The following UBR4 variants were observed in gnomAD, a reference collection of about 807,000 sequenced individuals.
UBR4 encodes the protein ubiquitin protein ligase E3 component n-recognin 4.
Under a neutral mutation model 575.6 loss-of-function variants are expected in UBR4, and 124 were observed. The ratio of observed to expected loss-of-function variants is 0.22; its 90% confidence interval spans 0.19 to 0.25. UBR4 has a LOEUF of 0.25. Among genes scored for constraint, UBR4 ranks in the 10% least tolerant of loss-of-function variants. The pLI is 1.00. For missense variants in UBR4, 4,818 were observed against 6,478.8 expected (o/e 0.74, Z 8.80); for synonymous variants, 2,455 against 2,473.7 (o/e 0.99, Z 0.22).
At chr1:19,206,570 A>C (rs2093024261) in intron 1 of UBR4, among the ~76,000 whole-genome samples, 1 of 152,156 alleles carries the variant, frequency 6.6e-6, no homozygotes, top group Non-Finnish European at 1.5e-5. Flanking sequence ...TCCTGACCTC[A>C]GGTGATCCGC....
In UBR4 at chr1:19,095,089, A is replaced by G. The variant is rs1051122523; in HGVS notation, c.13627-64T>C. On this transcript the variant is annotated intron_variant, in intron 93 of 105. Coordinates refer to ENST00000375254, the MANE Select transcript of UBR4 (RefSeq NM_020765.3). ...CCACAGCCACTAACTGCTGAGGACA[A>G]TTGCTCTCAAGGATGCCCTCACAGC... is the stretch of plus-strand genomic sequence containing the variant. 6 of 1,611,340 alleles carry G rather than the reference A, an allele frequency of 3.7e-6. No homozygotes were observed. The African/African-American group carries it at 6.7e-5, about 18-fold the overall frequency.
Position 19,100,409 on chromosome 1 carries a change from T to C in UBR4, c.13188A>G (p.Leu4396=), listed in dbSNP as rs1289936768. The change falls in exon 89 of 106, where the codon TTA becomes TTG. Residue 4396 remains leucine (L), a synonymous_variant. Coordinates refer to ENST00000375254, the MANE Select transcript of UBR4 (RefSeq NM_020765.3). The surrounding 1 kb of genome is among the most constrained non-coding windows in gnomAD (Gnocchi z 4.2). The stretch of plus-strand genomic sequence containing the variant: ...CACTGTCATCTTCCAGGAGGGCCAC[T>C]AAGTCACAGTCCTGGCAAATCTTGT... ...IKNKICQDCD[L]VALLEDDSGM... 1 of 1,614,204 alleles carries C rather than the reference T, an allele frequency of 6.2e-7. No individual in the cohort carries two copies. The highest frequency in any genetic ancestry group is 8.5e-7 in the Non-Finnish European group (1 of 1,180,022).
In UBR4 at chr1:19,115,400, G is replaced by C. The variant is rs112362121; in HGVS notation, c.11061C>G (p.Cys3687Trp). The change falls in exon 74 of 106, where the codon TGC becomes TGG. Residue 3687 changes from cysteine (C) to tryptophan (W), a missense_variant and splice_region_variant. Physicochemically the swap from Cys to Trp is radical, Grantham distance 215. This residue lies in a region of UBR4 where 10 missense variants were observed against 65.4 expected (regional missense o/e 0.15). Transcript: ENST00000375254. ...CTAGGGGATGACCAATGACTTACCT[G>C]CATTTGTGACACTGGTACACATTCT... ...CGENVYQCHK[C>W]RSINYDEKDP... is the part of the protein sequence containing the mutation. 1 of 1,613,962 alleles carries C rather than the reference G, an allele frequency of 6.2e-7. No homozygotes were observed. The highest frequency in any genetic ancestry group is 8.5e-7 in the Non-Finnish European group (1 of 1,179,906).
At chr1:19,098,338 C>T (rs1308905430) in intron 90 of UBR4, among the ~76,000 whole-genome samples, 2 of 152,172 alleles carry the variant, frequency 1.3e-5, no homozygotes, top group East Asian at 1.9e-4. Context: ...AAGCTGAAGT[C>T]CCAGAACATA....
chr1:19,095,401 CCCAA>C, intron 93 of UBR4, 140 bp downstream of exon 93: 1 of 800,526 alleles, frequency 1.2e-6, no homozygotes, highest in East Asian at 2.7e-5. Flanking sequence ...AGCTGAATGA[CCCAA>C]GCCTCTGCAC....
rs566520033 is a variant in UBR4 at position 19,126,459 on chromosome 1, C to A, written c.9425G>T (p.Arg3142Leu). 6.2e-7 allele frequency: 1 copy of A among 1,614,102 alleles called. No individual in the cohort carries two copies. The highest frequency in any genetic ancestry group is 1.1e-5 in the South Asian group (1 of 91,078). ...SPPDMSPFFL[R>L]QYVKGHAADV... Reference sequence around the variant, plus strand: ...GAAAGATCTCACCTTCACATACTGGCGGAGAAAGAATGGGCTCATGTCAGG... The same window carrying A: ...GAAAGATCTCACCTTCACATACTGGAGGAGAAAGAATGGGCTCATGTCAGG... Residue 3142 changes from arginine to leucine, a missense_variant, in exon 64 of 106, where the codon CGC becomes CTC. By Grantham distance (102) the Arg-to-Leu change is moderately radical. Coordinates refer to ENST00000375254, the MANE Select transcript of UBR4 (RefSeq NM_020765.3).
In UBR4 at chr1:19,093,313, T is replaced by G; in HGVS notation, c.14111A>C (p.Asn4704Thr). Residue 4704 changes from asparagine to threonine, a missense_variant and splice_region_variant, in exon 96 of 106, where the codon AAT becomes ACT. Coordinates refer to ENST00000375254, the MANE Select transcript of UBR4 (RefSeq NM_020765.3). The surrounding 1 kb of genome is among the most constrained non-coding windows in gnomAD (Gnocchi z 4.8). Reference sequence around the variant, plus strand: ...GCCCCGCTGCGGGAGGGCTTCATACTTCTTGGCGCTAGGGATGTGCTTTTT... The same window carrying G: ...GCCCCGCTGCGGGAGGGCTTCATACGTCTTGGCGCTAGGGATGTGCTTTTT... ...YMKKHIPSAK[N>T]LDADIWKKFL... 1 of 1,613,324 alleles carries G rather than the reference T, an allele frequency of 6.2e-7. No homozygotes were observed. The highest frequency in any genetic ancestry group is 8.5e-7 in the Non-Finnish European group (1 of 1,179,868).
At position 19,118,900 on chromosome 1, in the gene UBR4, T is replaced by G; in HGVS notation, c.10513A>C (p.Thr3505Pro). Residue 3505 changes from threonine (T) to proline (P), a missense_variant, in exon 71 of 106, where the codon ACC (threonine) becomes CCC (proline). Thr to Pro is a conservative substitution (Grantham distance 38). Around this residue, in one of 29 missense-constraint regions of UBR4, gnomAD observed 550 missense variants for 791.5 expected, o/e 0.69. Transcript: ENST00000375254. ...EILRTQNHIL[T>P]NHPNSNIYNT... The stretch of plus-strand genomic sequence containing the variant: ...TAAATGTTCGAGTTGGGGTGGTTGG[T>G]AAGAATATGGTTTTGAGTCCGCAGA... 1.2e-6 allele frequency: 2 copies of G among 1,614,190 alleles called. No individual in the cohort carries two copies. Among genetic ancestry groups the G allele is most frequent in the Non-Finnish European group, 1.7e-6 (2 of 1,180,026 alleles).
chr1:19,165,670 C>T lies in UBR4; in HGVS notation c.4197G>A (p.Glu1399=). ...ACACGGCTCACCTGTCAGAGAAAAA[C>T]TCCTCCATAGCTTTACGAGCCTGGC... is the stretch of plus-strand genomic sequence containing the variant. ...ESSQARKAME[E]FFSDSGELVQ... Residue 1399 remains glutamate, a synonymous_variant, in exon 30 of 106, where the codon GAG becomes GAA. Coordinates refer to ENST00000375254, the MANE Select transcript of UBR4 (RefSeq NM_020765.3). 1 of 1,613,544 alleles carries T rather than the reference C, an allele frequency of 6.2e-7. No homozygotes were observed.
chr1:19,178,963 C>G, intron 18 of UBR4, 88 bp downstream of exon 18: 1 of 1,512,562 alleles, frequency 6.6e-7, no homozygotes, highest in Non-Finnish European at 9.0e-7. Flanking sequence ...ACAGCAAAGC[C>G]TCAAAGCCAC....
intron 3 of UBR4, 48 bp downstream of exon 3, chr1:19,199,603 C>T (rs1475810204): frequency 6.4e-7 from 1 of 1,569,776 alleles, no homozygotes; most frequent in East Asian, 2.2e-5. Flanking sequence ...ACTAGTCAGT[C>T]ACAACACTGC....
Position 19,127,612 on chromosome 1 carries a change from A to G in UBR4, c.9228+11T>C, listed in dbSNP as rs1446615180. On this transcript the variant is annotated intron_variant, in intron 63 of 105. Transcript: ENST00000375254. Reference sequence around the variant, plus strand: ...CCTTTCCCCAAACCCATGAACCCAAAGCAAAAATACCTCACATATGGAAGA... The same window carrying G: ...CCTTTCCCCAAACCCATGAACCCAAGGCAAAAATACCTCACATATGGAAGA... 6.2e-7 allele frequency: 1 copy of G among 1,612,786 alleles called. No homozygotes were observed. The highest frequency in any genetic ancestry group is 1.7e-5 in the Admixed American group (1 of 60,024).
At chr1:19,173,157 C>G (rs369192320) in intron 24 of UBR4, 24 bp downstream of exon 24, 103 of 1,613,894 alleles carry the variant, frequency 6.4e-5, no homozygotes, top group Non-Finnish European at 8.7e-5. Context: ...CAAGTTCTAT[C>G]ATTTAGGTTC....
chr1:19,199,058 G>A lies in UBR4; in HGVS notation c.379-130C>T, dbSNP rs920417049. ...TCATATAAACACTAAAGCAAAGACT[G>A]CAAGCTGATGTCCTTAGACCGTATG... is the stretch of plus-strand genomic sequence containing the variant. On this transcript the variant is annotated intron_variant, in intron 3 of 105. Transcript: ENST00000375254. 7 of 1,002,458 alleles carry A rather than the reference G, an allele frequency of 7.0e-6. No individual in the cohort carries two copies. In the East Asian group the frequency reaches 7.8e-5, roughly 11 times the overall value. The allele number at this position is 1,002,458 out of a possible 1,614,324, so 62.1% of individuals were successfully genotyped here.
intron 91 of UBR4, among the ~76,000 whole-genome samples, 155 bp downstream of exon 91, chr1:19,097,038 G>A (rs1186729979): frequency 6.6e-6 from 1 of 150,456 alleles, no homozygotes; most frequent in Non-Finnish European, 1.5e-5. Flanking sequence ...TCATGCCACA[G>A]ACACCTCTTT....
chr1:19,084,748 A>G lies in UBR4; in HGVS notation c.14814-50T>C, dbSNP rs550684597. The G allele has an allele frequency of 2.3e-5, 36 of 1,549,360 alleles. No homozygotes were observed. The South Asian group carries it at 4.3e-4, about 19-fold the overall frequency. On this transcript the variant is annotated intron_variant, in intron 101 of 105. Coordinates refer to ENST00000375254, the MANE Select transcript of UBR4 (RefSeq NM_020765.3). ...GAAATGGAAGTGAGTTCCTGGTGAA[A>G]ACCCAGTTTGGGAGACAGAGCCTCC...
rs778418238 is a variant in UBR4 at position 19,093,034 on chromosome 1, G to A, written c.14112-116C>T. The stretch of plus-strand genomic sequence containing the variant: ...GGCATGATTAACCGTGACCCTCTCC[G>A]AGTGTCATAAAGAATCACATAGAAC... On this transcript the variant is annotated intron_variant, in intron 96 of 105. Coordinates refer to ENST00000375254, the MANE Select transcript of UBR4 (RefSeq NM_020765.3). The surrounding 1 kb of genome is among the most constrained non-coding windows in gnomAD (Gnocchi z 4.8). 2.4e-5 allele frequency: 24 copies of A among 980,338 alleles called. No homozygotes were observed. Among genetic ancestry groups the A allele is most frequent in the East Asian group, 5.2e-5 (2 of 38,424 alleles). 60.7% of individuals were successfully genotyped at this position (980,338 alleles called of 1,614,324 possible). A position where few individuals can be genotyped will look rare whatever the true frequency, so the allele number is the denominator to read the frequency against.
intron 64 of UBR4, among the ~76,000 whole-genome samples, chr1:19,125,970 T>A (rs570866949): frequency 6.6e-6 from 1 of 152,220 alleles, no homozygotes; most frequent in Non-Finnish European, 1.5e-5. Context: ...CTGTAGAAGC[T>A]GAAGGTTAGG....
rs114949523 is a variant in UBR4, at chr1:19,076,652, C to T, written c.15487+88G>A. The stretch of plus-strand genomic sequence containing the variant: ...TGGTTCATACTGCGTTTCCTCTGGT[C>T]GTGAAGATAAAGCTACGGATGACCC... On this transcript the variant is annotated intron_variant, in intron 105 of 105. Coordinates refer to ENST00000375254, the MANE Select transcript of UBR4 (RefSeq NM_020765.3). The T allele has an allele frequency of 1.8e-3, 2,817 of 1,570,778 alleles. 39 individuals are homozygous for T. In the African/African-American group the frequency reaches 0.031, roughly 17 times the overall value.
Sources: allele counts gnomAD v4.1 joint callset (sites outside exome capture counted in the v4.1 genomes callset), GRCh38; gene constraint gnomAD v4.1.1; regional missense constraint gnomAD v4.1.1; non-coding constraint Gnocchi (gnomAD v3.1); transcripts MANE v1.5; gene names NCBI Gene and HGNC (gene_info 2026-07-23, HGNC 2026-07-21).